MAPK12: variants seen among roughly 807,000 people sequenced by gnomAD.
MAPK12 encodes the protein mitogen-activated protein kinase 12, also known as MAP kinase 12.
Under a neutral mutation model 49.1 loss-of-function variants are expected in MAPK12, and 49 were observed. The observed-to-expected ratio is 1.00, with a 90% CI of 0.79 to 1.27. The LOEUF is 1.27. Among genes scored for constraint, MAPK12 ranks in the 50% most tolerant of loss-of-function variants. The probability of loss-of-function intolerance (pLI) is 0.00; values close to 1 mark genes in which losing one functional copy is unlikely to be tolerated. For missense variants in MAPK12, 554 were observed against 502.4 expected (o/e 1.10, Z -0.98); for synonymous variants, 251 against 209.7 (o/e 1.20, Z -1.70).
At chr22:50,254,805 G>A in intron 11 of MAPK12, 4 of 1,154,446 alleles carry the variant, frequency 3.5e-6, no homozygotes, top group Non-Finnish European at 4.3e-6. Context: ...GGGCCAGGAG[G>A]GGCTAAGTGG....
chr22:50,253,226 G>A lies in MAPK12; in HGVS notation c.*175C>T, dbSNP rs1236045478. The A allele has an allele frequency of 4.6e-6, 3 of 656,874 alleles. No homozygotes were observed. The highest frequency in any genetic ancestry group is 5.6e-6 in the Non-Finnish European group (2 of 359,282). 40.7% of individuals were successfully genotyped at this position (656,874 alleles called of 1,614,324 possible). A position where few individuals can be genotyped will look rare whatever the true frequency, so the allele number is the denominator to read the frequency against. ...GAAAGTTCAGGTGCTCCTCCATGAT[G>A]GGCGCCCAAGAGCAGAGGCATGGCC... On this transcript the variant is annotated 3_prime_UTR_variant, in exon 12 of 12. Transcript: ENST00000215659.
At position 50,257,165 on chromosome 22, in the gene MAPK12, C is replaced by G; in HGVS notation, c.343G>C (p.Asp115His). ...FYLVMPFMGT[D>H]LGKLMKHEKL... The stretch of plus-strand genomic sequence containing the variant: ...TCATGTTTCATGAGCTTGCCCAGGT[C>G]GGTGCCCATGAACGGCATCACCAGG... Residue 115 changes from aspartate (D) to histidine (H), a missense_variant, in exon 4 of 12, where the codon GAC becomes CAC. Asp to His is a moderately conservative substitution (Grantham distance 81). Transcript: ENST00000215659. 6.2e-7 allele frequency: 1 copy of G among 1,612,766 alleles called. No individual in the cohort carries two copies. The highest frequency in any genetic ancestry group is 8.5e-7 in the Non-Finnish European group (1 of 1,179,898).
At position 50,254,868 on chromosome 22, in the gene MAPK12, G is replaced by A. The variant is rs76187707; in HGVS notation, c.1024+329C>T. 8 of 1,219,318 alleles carry A rather than the reference G, an allele frequency of 6.6e-6. No individual in the cohort carries two copies. The East Asian group carries it at 3.9e-4, about 60-fold the overall frequency. 75.5% of individuals were successfully genotyped at this position (1,219,318 alleles called of 1,614,324 possible). A position where few individuals can be genotyped will look rare whatever the true frequency, so the allele number is the denominator to read the frequency against. Reference sequence around the variant, plus strand: ...TTTCACCACTCCCGGCTCCTTCTGTGCCAGCCTCTGTGCTGAGCCTGCCAG... The same window carrying A: ...TTTCACCACTCCCGGCTCCTTCTGTACCAGCCTCTGTGCTGAGCCTGCCAG... On this transcript the variant is annotated intron_variant, in intron 11 of 11. Coordinates refer to ENST00000215659, the MANE Select transcript of MAPK12 (RefSeq NM_002969.6).
Position 50,253,485 on chromosome 22 carries a change from C to CGGGG in MAPK12, c.1025-9_1025-6dup, listed in dbSNP as rs773042559. Reference sequence around the variant, plus strand: ...GCACCTCTTTGTAAGTAACACCTGGCGGGGGTGGGGGGGCGGGCACAACAG... The same window carrying CGGGG: ...GCACCTCTTTGTAAGTAACACCTGGCGGGGGGGGGTGGGGGGGCGGGCACAACAG... On this transcript the variant is annotated splice_region_variant and splice_polypyrimidine_tract_variant and intron_variant, in intron 11 of 11. Coordinates refer to ENST00000215659, the MANE Select transcript of MAPK12 (RefSeq NM_002969.6). The CGGGG allele has an allele frequency of 3.3e-4, 31 of 93,928 alleles. No homozygotes were observed. The highest frequency in any genetic ancestry group is 8.7e-4 in the South Asian group (7 of 8,024). The allele number at this position is 93,928 out of a possible 1,614,324, so 5.8% of individuals were successfully genotyped here.
In MAPK12 at chr22:50,258,061, G is replaced by A. The variant is rs906823017; in HGVS notation, c.314+182C>T. The A allele has an allele frequency of 9.7e-6, 7 of 724,790 alleles. No homozygotes were observed. The Admixed American group carries it at 1.4e-4, about 14-fold the overall frequency. 44.9% of individuals were successfully genotyped at this position (724,790 alleles called of 1,614,324 possible). On this transcript the variant is annotated intron_variant, in intron 3 of 11. Coordinates refer to ENST00000215659, the MANE Select transcript of MAPK12 (RefSeq NM_002969.6). ...CTGCCCAGCTGTGCCAGTGCCCGTG[G>A]GTCCCAGGACCATGTGGGGGAGGGC... is the stretch of plus-strand genomic sequence containing the variant.
chr22:50,258,057 C>T (rs1325205943), intron 3 of MAPK12, 186 bp downstream of exon 3: 27 of 601,024 alleles, frequency 4.5e-5, no homozygotes, highest in Middle Eastern at 6.7e-4. Context: ...TGCCAGTGCC[C>T]GTGGGTCCCA....
Position 50,255,365 on chromosome 22 carries a change from T to A in MAPK12, c.856A>T (p.Asn286Tyr). The change falls in exon 11 of 12, where the codon AAC becomes TAC. Residue 286 changes from asparagine to tyrosine, a missense_variant. Transcript: ENST00000215659. ...ILTNASPLAVNLLEKMLVLDA... is the reference protein window; with the variant it reads ...ILTNASPLAVYLLEKMLVLDA... ...AGCACCAGCATCTTCTCCAGGAGGT[T>A]CACAGCTGCGGGGGAAGGTGCATCA... 1 of 1,613,056 alleles carries A rather than the reference T, an allele frequency of 6.2e-7. No individual in the cohort carries two copies. The highest frequency in any genetic ancestry group is 2.2e-5 in the East Asian group (1 of 44,886).
chr22:50,257,043 C>A, intron 4 of MAPK12, 39 bp downstream of exon 4: 2 of 1,606,102 alleles, frequency 1.2e-6, no homozygotes, highest in Non-Finnish European at 1.7e-6. Context: ...AGCCCCGAGG[C>A]CCTGCCTGCC....
chr22:50,256,830 C>T (rs1177012875), intron 5 of MAPK12, 105 bp downstream of exon 5: 17 of 1,535,986 alleles, frequency 1.1e-5, no homozygotes, highest in South Asian at 2.5e-5. Flanking sequence ...GTGCATAGGG[C>T]GTGGCTCAGC....
chr22:50,253,441 CG>C lies in MAPK12; in HGVS notation c.1063del (p.Arg355GlyfsTer23). The C allele has an allele frequency of 7.3e-7, 1 of 1,361,218 alleles. No individual in the cohort carries two copies. The highest frequency in any genetic ancestry group is 9.6e-7 in the Non-Finnish European group (1 of 1,039,894). The allele number at this position is 1,361,218 out of a possible 1,614,324, so 84.3% of individuals were successfully genotyped here. On this transcript the variant is annotated frameshift_variant, in exon 12 of 12. Transcript: ENST00000215659. LOFTEE classifies it high-confidence loss of function. ...YKEVLSFKPP[R>X]QLGARVSKET... is the part of the protein sequence containing the mutation. ...CTTGGAGACCCTGGCCCCCAGCTGC[CG>C]GGGAGGCTTGAAGCTGAGCACCTCT...
Position 50,258,318 on chromosome 22 carries a change from G to T in MAPK12, c.256-17C>A, listed in dbSNP as rs2065174237. The T allele has an allele frequency of 6.2e-7, 1 of 1,611,862 alleles. No individual in the cohort carries two copies. The highest frequency in any genetic ancestry group is 8.5e-7 in the Non-Finnish European group (1 of 1,179,022). On this transcript the variant is annotated splice_polypyrimidine_tract_variant and intron_variant, in intron 2 of 11. Transcript: ENST00000215659. ...CCCGATCACCTGGGGGGGCCACATA[G>T]GGTTGAGAATGCAGCAGAGGACACG...
At chr22:50,259,827 T>C (rs1363307122) in intron 2 of MAPK12, among the ~76,000 whole-genome samples, 1 of 150,522 alleles carries the variant, frequency 6.6e-6, no homozygotes, top group Non-Finnish European at 1.5e-5. Flanking sequence ...AAGGTTGCAG[T>C]GAGCTGAGAT....
intron 2 of MAPK12, among the ~76,000 whole-genome samples, chr22:50,259,908 C>T (rs2267984): frequency 0.19 from 27,604 of 149,024 alleles, 2,882 homozygotes; most frequent in South Asian, 0.33. Flanking sequence ...AGAAAAAAAG[C>T]CCCAGAGCGC....
At position 50,256,065 on chromosome 22, in the gene MAPK12, A is replaced by G. The variant is rs762123683; in HGVS notation, c.619+20T>C. Reference sequence around the variant, plus strand: ...AGATGGTGCAGCCTGAGAGGCCCAGATCTCTGGGCAGCTTCTCACCCGTCT... The same window carrying G: ...AGATGGTGCAGCCTGAGAGGCCCAGGTCTCTGGGCAGCTTCTCACCCGTCT... On this transcript the variant is annotated intron_variant, in intron 7 of 11. Coordinates refer to ENST00000215659, the MANE Select transcript of MAPK12 (RefSeq NM_002969.6). 1 of 1,603,246 alleles carries G rather than the reference A, an allele frequency of 6.2e-7. No homozygotes were observed. The highest frequency in any genetic ancestry group is 1.7e-5 in the Admixed American group (1 of 59,588).
At position 50,254,681 on chromosome 22, in the gene MAPK12, A is replaced by T. The variant is rs906317856; in HGVS notation, c.1024+516T>A. ...AACAAAAATGGGGCAAGGAGAGGCA[A>T]GGACAGATTCAGGAGGTGTGAGCAG... On this transcript the variant is annotated intron_variant, in intron 11 of 11. Transcript: ENST00000215659. The T allele has an allele frequency of 1.3e-5, 13 of 1,030,754 alleles. No individual in the cohort carries two copies. In the African/African-American group the frequency reaches 2.2e-4, roughly 18 times the overall value. The allele number at this position is 1,030,754 out of a possible 1,614,324, so 63.9% of individuals were successfully genotyped here.
chr22:50,260,892 A>C, intron 2 of MAPK12: 1 of 319,756 alleles, frequency 3.1e-6, no homozygotes. Context: ...GGGCCTGGCC[A>C]AGTCGTGTTC....
At chr22:50,254,700 T>G in intron 11 of MAPK12, 1 of 1,049,802 alleles carries the variant, frequency 9.5e-7, no homozygotes, top group Non-Finnish European at 1.2e-6. Flanking sequence ...TCAGGAGGTG[T>G]GAGCAGAGAG....
chr22:50,255,532 C>T lies in MAPK12; in HGVS notation c.772-1G>A, dbSNP rs924733195. The T allele has an allele frequency of 6.2e-7, 1 of 1,613,200 alleles. No homozygotes were observed. Among genetic ancestry groups the T allele is most frequent in the Non-Finnish European group, 8.5e-7 (1 of 1,180,022 alleles). On this transcript the variant is annotated splice_acceptor_variant, in intron 9 of 11. Coordinates refer to ENST00000215659, the MANE Select transcript of MAPK12 (RefSeq NM_002969.6). LOFTEE classifies it high-confidence loss of function. Reference sequence around the variant, plus strand: ...GGAGGCCCTTCATGTAGTTCTTGGCCTGTGTGGGAAGAAAGGGTGAGGGGC... The same window carrying T: ...GGAGGCCCTTCATGTAGTTCTTGGCTTGTGTGGGAAGAAAGGGTGAGGGGC...
chr22:50,255,939 GAGGA>G, intron 7 of MAPK12, 58 bp from the exon 8 acceptor site: 2 of 1,563,696 alleles, frequency 1.3e-6, no homozygotes, highest in Non-Finnish European at 1.8e-6. Flanking sequence ...GACGGGGAGG[GAGGA>G]GACACCAACA....
Sources: gnomAD v4.1 joint callset for allele counts (sites outside exome capture counted in the v4.1 genomes callset) on GRCh38, gnomAD v4.1.1 for gene constraint, MANE v1.5 for transcripts, NCBI Gene and HGNC (gene_info 2026-07-23, HGNC 2026-07-21) for gene names.